Variants in ZDHHC8 observed in about 807,000 individuals in gnomAD.
ZDHHC8 encodes the protein zDHHC palmitoyltransferase 8, also known as palmitoyltransferase ZDHHC8.
A neutral mutation model predicts 61.2 loss-of-function variants in ZDHHC8; 24 were observed. The ratio of observed to expected loss-of-function variants is 0.39; its 90% CI spans 0.28 to 0.55. The LOEUF (loss-of-function observed/expected upper bound fraction) is 0.55. ZDHHC8 is among the 20% of genes least tolerant of loss of function. The pLI, the probability that ZDHHC8 is intolerant of heterozygous loss-of-function variation, is 0.60. For synonymous variants in ZDHHC8, 523 were observed against 492.5 expected, an observed-to-expected ratio of 1.06 and a Z score of -0.82; for missense variants, 935 against 1,102.1, an observed-to-expected ratio of 0.85 and a Z score of 2.15.
In ZDHHC8 at chr22:20,146,941, G is replaced by T; in HGVS notation, c.*1541G>T. 7.4e-7 allele frequency: 1 copy of T among 1,356,614 alleles called. No individual in the cohort carries two copies. 84.0% of individuals were successfully genotyped at this position (1,356,614 alleles called of 1,614,324 possible). Reference sequence around the variant, plus strand: ...CATTCTGGGCTGGGGCTGTCCCAGCGTGGGAGGCGTGCGGGCTGTAGGGCC... The same window carrying T: ...CATTCTGGGCTGGGGCTGTCCCAGCTTGGGAGGCGTGCGGGCTGTAGGGCC... On this transcript the variant is annotated 3_prime_UTR_variant, in exon 11 of 11. Transcript: ENST00000334554.
chr22:20,141,133 G>C, intron 7 of ZDHHC8, 84 bp from the exon 8 acceptor site: 1 of 1,580,930 alleles, frequency 6.3e-7, no homozygotes, highest in Non-Finnish European at 8.6e-7. Flanking sequence ...ATTCTTGGGA[G>C]GGGGCTAGGT....
intron 1 of ZDHHC8, among the ~76,000 whole-genome samples, chr22:20,135,863 C>T (rs1269750360): frequency 5.3e-5 from 8 of 152,368 alleles, no homozygotes; most frequent in Non-Finnish European, 7.3e-5. Flanking sequence ...GCCCCACGGG[C>T]GAGTGCCACT....
In ZDHHC8 at chr22:20,143,211, C is replaced by T. The variant is rs373210424; in HGVS notation, c.1581C>T (p.Pro527=). 109 of 1,608,470 alleles carry T rather than the reference C, an allele frequency of 6.8e-5. No homozygotes were observed. Among genetic ancestry groups the T allele is most frequent in the Middle Eastern group, 5.0e-4 (3 of 6,058 alleles). The stretch of plus-strand genomic sequence containing the variant: ...GGCCCCTACCCCGCAGCTTCAGCCC[C>T]GTGCTGGGCCCCCGCCCCCGGGAGC... The part of the protein sequence containing the change: ...PPRPLPRSFS[P]VLGPRPREPS... The change falls in exon 10 of 11, where the codon CCC becomes CCT. Residue 527 remains proline, a synonymous_variant. Coordinates refer to ENST00000334554, the MANE Select transcript of ZDHHC8 (RefSeq NM_013373.4).
Position 20,146,361 on chromosome 22 carries a change from G to A in ZDHHC8, c.*961G>A. Reference sequence around the variant, plus strand: ...CTTGGTGTCAGGGACCTGAGAGTAAGCACATGACAGCGTCTGCTTGCGTTG... The same window carrying A: ...CTTGGTGTCAGGGACCTGAGAGTAAACACATGACAGCGTCTGCTTGCGTTG... On this transcript the variant is annotated 3_prime_UTR_variant, in exon 11 of 11. Coordinates refer to ENST00000334554, the MANE Select transcript of ZDHHC8 (RefSeq NM_013373.4). 1.0e-6 allele frequency: 1 copy of A among 985,652 alleles called. No individual in the cohort carries two copies. Among genetic ancestry groups the A allele is most frequent in the Non-Finnish European group, 1.2e-6 (1 of 829,938 alleles). The allele number at this position is 985,652 out of a possible 1,614,324, so 61.1% of individuals were successfully genotyped here.
intron 1 of ZDHHC8, among the ~76,000 whole-genome samples, chr22:20,134,266 G>A (rs1360972687): frequency 6.6e-6 from 1 of 152,246 alleles, no homozygotes; most frequent in Non-Finnish European, 1.5e-5. Flanking sequence ...GGGCAGGTGA[G>A]GCCACACCCC....
At chr22:20,144,028 C>G (rs1391773863) in intron 10 of ZDHHC8, among the ~76,000 whole-genome samples, 3 of 152,186 alleles carry the variant, frequency 2.0e-5, no homozygotes, top group Non-Finnish European at 4.4e-5. Flanking sequence ...CTGGCACAGA[C>G]CCAGCATGTG....
chr22:20,145,333 C>T lies in ZDHHC8; in HGVS notation c.2231C>T (p.Pro744Leu), dbSNP rs759160988. 1 of 1,597,590 alleles carries T rather than the reference C, an allele frequency of 6.3e-7. No individual in the cohort carries two copies. Among genetic ancestry groups the T allele is most frequent in the African/African-American group, 1.4e-5 (1 of 73,966 alleles). Residue 744 changes from proline to leucine, a missense_variant, in exon 11 of 11, where the codon CCT (proline) becomes CTT (leucine). Pro to Leu is a moderately conservative substitution (Grantham distance 98). This residue lies in a region of ZDHHC8 where 692 missense variants were observed against 731.4 expected (regional missense o/e 0.95). Coordinates refer to ENST00000334554, the MANE Select transcript of ZDHHC8 (RefSeq NM_013373.4). ...GGCCCCCCAGGGCCCTCTGCCAGCC[C>T]TACACGGCACACGCTGGTTAAGAAG... ...ATGPPGPSAS[P>L]TRHTLVKKVS...
At position 20,147,372 on chromosome 22, in the gene ZDHHC8, C is replaced by T; in HGVS notation, c.*1972C>T. 2 of 860,684 alleles carry T rather than the reference C, an allele frequency of 2.3e-6. No homozygotes were observed. Among genetic ancestry groups the T allele is most frequent in the Non-Finnish European group, 3.3e-6 (2 of 602,914 alleles). 53.3% of individuals were successfully genotyped at this position (860,684 alleles called of 1,614,324 possible). A position where few individuals can be genotyped will look rare whatever the true frequency, so the allele number is the denominator to read the frequency against. On this transcript the variant is annotated 3_prime_UTR_variant, in exon 11 of 11. Coordinates refer to ENST00000334554, the MANE Select transcript of ZDHHC8 (RefSeq NM_013373.4). ...CAGCCACAGCTTGACAGATTCCCAGCCTGCCAGGGCCTGAGACCCTGTGTC... is the reference window on the plus strand; with the variant it reads ...CAGCCACAGCTTGACAGATTCCCAGTCTGCCAGGGCCTGAGACCCTGTGTC...
chr22:20,141,356 C>A lies in ZDHHC8; in HGVS notation c.1015+19C>A. ...AGTGCTGGTGAGGTTGGGGCAGCCA[C>A]GACTAGGGAGGGATATGGGTTGACC... On this transcript the variant is annotated intron_variant, in intron 8 of 10. Coordinates refer to ENST00000334554, the MANE Select transcript of ZDHHC8 (RefSeq NM_013373.4). 1 of 1,611,282 alleles carries A rather than the reference C, an allele frequency of 6.2e-7. No homozygotes were observed. The highest frequency in any genetic ancestry group is 8.5e-7 in the Non-Finnish European group (1 of 1,178,888).
rs547809427 is a variant in ZDHHC8 at position 20,141,434 on chromosome 22, G to A, written c.1029G>A (p.Ser343=). The change falls in exon 9 of 11, where the codon TCG becomes TCA. Residue 343 remains serine, a synonymous_variant. Coordinates refer to ENST00000334554, the MANE Select transcript of ZDHHC8 (RefSeq NM_013373.4). ...CTGCATCCCCAGAGAGTGCCCTGTC[G>A]GTGCAGAGGACCAGCCCCCCGACAC... ...PRPGSAESAL[S]VQRTSPPTPA... 67 of 1,613,196 alleles carry A rather than the reference G, an allele frequency of 4.2e-5. 2 individuals are homozygous for A. In the South Asian group the frequency reaches 6.1e-4, roughly 15 times the overall value.
chr22:20,147,153 CG>C lies in ZDHHC8; in HGVS notation c.*1757del. 1 of 1,532,340 alleles carries C rather than the reference CG, an allele frequency of 6.5e-7. No homozygotes were observed. 94.9% of individuals were successfully genotyped at this position (1,532,340 alleles called of 1,614,324 possible). A position where few individuals can be genotyped will look rare whatever the true frequency, so the allele number is the denominator to read the frequency against. ...TGCGGGCCCCCTGGAGCCAGGCCGC[CG>C]GGGCACCCCCACGCGGGGCCATGTG... On this transcript the variant is annotated 3_prime_UTR_variant, in exon 11 of 11. Coordinates refer to ENST00000334554, the MANE Select transcript of ZDHHC8 (RefSeq NM_013373.4).
chr22:20,145,528 GGA>G lies in ZDHHC8; in HGVS notation c.*134_*135del, dbSNP rs2050514209. Reference sequence around the variant, plus strand: ...CCAGCCTGGTGTGGACCCATCGGCGGGAGAGAGTGCCACGCCTCCACAGCTTG... The same window carrying G: ...CCAGCCTGGTGTGGACCCATCGGCGGGAGAGTGCCACGCCTCCACAGCTTG... On this transcript the variant is annotated 3_prime_UTR_variant, in exon 11 of 11. Coordinates refer to ENST00000334554, the MANE Select transcript of ZDHHC8 (RefSeq NM_013373.4). The G allele has an allele frequency of 1.5e-6, 2 of 1,311,320 alleles. No individual in the cohort carries two copies. The highest frequency in any genetic ancestry group is 1.9e-6 in the Non-Finnish European group (2 of 1,030,784). The allele number at this position is 1,311,320 out of a possible 1,614,324, so 81.2% of individuals were successfully genotyped here. A position where few individuals can be genotyped will look rare whatever the true frequency, so the allele number is the denominator to read the frequency against.
chr22:20,140,715 C>A lies in ZDHHC8; in HGVS notation c.752+7C>A. On this transcript the variant is annotated splice_region_variant and intron_variant, in intron 6 of 10. Coordinates refer to ENST00000334554, the MANE Select transcript of ZDHHC8 (RefSeq NM_013373.4). ...GTAGCCCCCTGGCGCCCCGGTGAGGCCCGGCCTGGGCAGGGTGGAGGGGGG... is the reference window on the plus strand; with the variant it reads ...GTAGCCCCCTGGCGCCCCGGTGAGGACCGGCCTGGGCAGGGTGGAGGGGGG... 6.2e-7 allele frequency: 1 copy of A among 1,608,612 alleles called. No homozygotes were observed.
At chr22:20,133,110 G>A (rs2050391890) in intron 1 of ZDHHC8, among the ~76,000 whole-genome samples, 1 of 152,262 alleles carries the variant, frequency 6.6e-6, no homozygotes, top group Non-Finnish European at 1.5e-5. Context: ...GCCCGTGGAG[G>A]CGAGAGAGTT....
At chr22:20,132,487 G>A (rs1248501230) in intron 1 of ZDHHC8, among the ~76,000 whole-genome samples, 1 of 152,236 alleles carries the variant, frequency 6.6e-6, no homozygotes, top group Non-Finnish European at 1.5e-5. Flanking sequence ...TGCCCGCCCC[G>A]GGCCAGAGTC....
In ZDHHC8 at chr22:20,142,812, T is replaced by G; in HGVS notation, c.1182T>G (p.Phe394Leu). 6.2e-7 allele frequency: 1 copy of G among 1,612,656 alleles called. No individual in the cohort carries two copies. The highest frequency in any genetic ancestry group is 8.5e-7 in the Non-Finnish European group (1 of 1,179,924). The change falls in exon 10 of 11, where the codon TTT becomes TTG. Residue 394 changes from phenylalanine (F) to leucine (L), a missense_variant. By Grantham distance (22) the Phe-to-Leu change is conservative. This residue lies in a region of ZDHHC8 where 692 missense variants were observed against 731.4 expected (regional missense o/e 0.95). Transcript: ENST00000334554. ...ACGACAGCATCCGTAGCCTGGACTT[T>G]GTGTCCGAGCCGAGCCTGGACCTCC... is the stretch of plus-strand genomic sequence containing the variant. ...LGDDSIRSLD[F>L]VSEPSLDLPD... is the part of the protein sequence containing the mutation.
At position 20,140,625 on chromosome 22, in the gene ZDHHC8, G is replaced by A; in HGVS notation, c.669G>A (p.Gly223=). The part of the protein sequence containing the change: ...RGRTTNEQVT[G]KFRGGVNPFT... ...GGGTCCTGCATCCACAGGTGACTGG[G>A]AAGTTCCGCGGGGGTGTGAACCCTT... The change falls in exon 6 of 11, where the codon GGG becomes GGA. Residue 223 remains glycine (G), a synonymous_variant. Coordinates refer to ENST00000334554, the MANE Select transcript of ZDHHC8 (RefSeq NM_013373.4). 6.2e-7 allele frequency: 1 copy of A among 1,607,826 alleles called. No homozygotes were observed. Among genetic ancestry groups the A allele is most frequent in the Non-Finnish European group, 8.5e-7 (1 of 1,177,692 alleles).
At position 20,131,990 on chromosome 22, in the gene ZDHHC8, A is replaced by G; in HGVS notation, c.43A>G (p.Ile15Val). ...GACGCGCCTCAAACCCGCCAAGTAC[A>G]TCCCGGTGGCCACGGCCGCCGCGCT... ...PGTRLKPAKY[I>V]PVATAAALLV... Residue 15 changes from isoleucine (I) to valine (V), a missense_variant, in exon 1 of 11, where the codon ATC becomes GTC. Ile to Val is a conservative substitution (Grantham distance 29). Coordinates refer to ENST00000334554, the MANE Select transcript of ZDHHC8 (RefSeq NM_013373.4). 1 of 1,373,286 alleles carries G rather than the reference A, an allele frequency of 7.3e-7. No homozygotes were observed. Among genetic ancestry groups the G allele is most frequent in the Non-Finnish European group, 9.6e-7 (1 of 1,046,856 alleles). 85.1% of individuals were successfully genotyped at this position (1,373,286 alleles called of 1,614,324 possible).
chr22:20,137,158 A>G (rs1048670716), intron 1 of ZDHHC8, among the ~76,000 whole-genome samples: 1 of 152,208 alleles, frequency 6.6e-6, no homozygotes, highest in Non-Finnish European at 1.5e-5. Context: ...AGGTACCCGC[A>G]CTGGGCAGGA....
Sources: allele counts gnomAD v4.1 joint callset (sites outside exome capture counted in the v4.1 genomes callset), GRCh38; gene constraint gnomAD v4.1.1; regional missense constraint gnomAD v4.1.1; transcripts MANE v1.5; gene names NCBI Gene and HGNC (gene_info 2026-07-23, HGNC 2026-07-21).